The following TRUB2 variants were observed in gnomAD, a reference collection of about 807,000 sequenced individuals.
The protein encoded by TRUB2 is pseudouridylate synthase TRUB2, mitochondrial.
Under a neutral mutation model 31.9 loss-of-function variants are expected in TRUB2, and 31 were observed. The ratio of observed to expected loss-of-function variants is 0.97; its 90% CI spans 0.73 to 1.31. The LOEUF (loss-of-function observed/expected upper bound fraction) is 1.31. TRUB2 is among the 50% of genes most tolerant of loss of function. TRUB2 has a pLI of 0.00. For missense variants in TRUB2, 451 were observed against 439.6 expected, an observed-to-expected ratio of 1.03 and a Z score of -0.23; for synonymous variants, 201 against 182.6, an observed-to-expected ratio of 1.10 and a Z score of -0.81.
At chr9:128,321,934 G>C (rs1421881750) in intron 1 of TRUB2, among the ~76,000 whole-genome samples, 1 of 152,156 alleles carries the variant, frequency 6.6e-6, no homozygotes, top group East Asian at 1.9e-4. Flanking sequence ...CGTGCACCAC[G>C]ATGCTGACCA....
intron 2 of TRUB2, among the ~76,000 whole-genome samples, chr9:128,319,602 A>G (rs1429774380): frequency 1.3e-5 from 2 of 151,524 alleles, no homozygotes; most frequent in Non-Finnish European, 2.9e-5. Flanking sequence ...AAAATGGCAT[A>G]GTATTTGCAT....
intron 2 of TRUB2, among the ~76,000 whole-genome samples, chr9:128,320,060 C>T (rs879220500): frequency 3.8e-4 from 58 of 151,772 alleles, no homozygotes; most frequent in African/African-American, 1.1e-3. Flanking sequence ...GGACTACAGG[C>T]GCCCACCACC....
At chr9:128,321,756 A>C in intron 1 of TRUB2, 26 bp from the exon 2 acceptor site, 1 of 1,601,424 alleles carries the variant, frequency 6.2e-7, no homozygotes, top group Non-Finnish European at 8.5e-7. Context: ...TAATATATAC[A>C]CACATACATA....
chr9:128,317,022 G>T, intron 3 of TRUB2, 130 bp downstream of exon 3: 1 of 778,076 alleles, frequency 1.3e-6, no homozygotes, highest in Admixed American at 2.5e-5. Flanking sequence ...TCAGCCTTGG[G>T]GCAGGAATCA....
intron 7 of TRUB2, among the ~76,000 whole-genome samples, chr9:128,310,631 C>T (rs1831951210): frequency 6.6e-6 from 1 of 152,186 alleles, no homozygotes; most frequent in East Asian, 1.9e-4. Flanking sequence ...ATAACCTTTG[C>T]TTGGTAAGGT....
In TRUB2 at chr9:128,322,411, T is replaced by C; in HGVS notation, c.-3A>G. The C allele has an allele frequency of 1.2e-6, 2 of 1,614,088 alleles. No individual in the cohort carries two copies. The highest frequency in any genetic ancestry group is 1.7e-6 in the Non-Finnish European group (2 of 1,180,014). ...CGCGACAAGCCAGCAGACCCCATAC[T>C]TGAAGATCACAGCACCCGCTGGACC... On this transcript the variant is annotated 5_prime_UTR_variant, in exon 1 of 8. Coordinates refer to ENST00000372890, the MANE Select transcript of TRUB2 (RefSeq NM_015679.3).
At position 128,309,042 on chromosome 9, in the gene TRUB2, C is replaced by G. The variant is rs1481552969; in HGVS notation, c.*508G>C. 6.5e-6 allele frequency: 1 copy of G among 153,496 alleles called. No individual in the cohort carries two copies. Among genetic ancestry groups the G allele is most frequent in the East Asian group, 1.9e-4 (1 of 5,208 alleles). The allele number at this position is 153,496 out of a possible 1,614,324, so 9.5% of individuals were successfully genotyped here. On this transcript the variant is annotated 3_prime_UTR_variant, in exon 8 of 8. Transcript: ENST00000372890. ...TAATTTTGTCGTTGTCTTCTTATTG[C>G]TTTCTAAGGGCTCTCTGTATACTAT...
At chr9:128,312,384 T>C (rs1349070485) in intron 5 of TRUB2, among the ~76,000 whole-genome samples, 1 of 150,766 alleles carries the variant, frequency 6.6e-6, no homozygotes, top group African/African-American at 2.4e-5. Context: ...GCAATCCACC[T>C]GCCTTGGCCT....
At chr9:128,318,926 A>T (rs1832113690) in intron 2 of TRUB2, among the ~76,000 whole-genome samples, 1 of 152,080 alleles carries the variant, frequency 6.6e-6, no homozygotes, top group Non-Finnish European at 1.5e-5. Context: ...TCACGCTTAT[A>T]ATCCCAGCAC....
At chr9:128,310,492 C>T (rs527478178) in intron 7 of TRUB2, among the ~76,000 whole-genome samples, 70 of 151,658 alleles carry the variant, frequency 4.6e-4, no homozygotes, top group African/African-American at 1.6e-3. Flanking sequence ...AAGGGGCGGG[C>T]GCAGGCAGAG....
At chr9:128,317,018 T>C in intron 3 of TRUB2, 134 bp downstream of exon 3, 1 of 755,748 alleles carries the variant, frequency 1.3e-6, no homozygotes, top group Non-Finnish European at 2.1e-6. Context: ...CTGATCAGCC[T>C]TGGGGCAGGA....
chr9:128,322,370 G>A lies in TRUB2; in HGVS notation c.39C>T (p.Phe13=), dbSNP rs766547290. 3 of 1,614,136 alleles carry A rather than the reference G, an allele frequency of 1.9e-6. No homozygotes were observed. The highest frequency in any genetic ancestry group is 3.3e-5 in the Admixed American group (2 of 60,018). ...SAGLSRLHGL[F]AVYKPPGLKW... The stretch of plus-strand genomic sequence containing the variant: ...TTAGCCCCGGGGGCTTATAGACCGC[G>A]AAAAGCCCATGCAGCCGCGACAAGC... Residue 13 remains phenylalanine, a synonymous_variant, in exon 1 of 8, where the codon TTC becomes TTT. Transcript: ENST00000372890.
intron 2 of TRUB2, among the ~76,000 whole-genome samples, chr9:128,318,500 CTGTT>C (rs1407413357): frequency 1.3e-5 from 2 of 151,710 alleles, no homozygotes; most frequent in Non-Finnish European, 2.9e-5. Flanking sequence ...AGACTGAAGA[CTGTT>C]TTTTTTTTGT....
intron 2 of TRUB2, among the ~76,000 whole-genome samples, chr9:128,321,361 T>A (rs1051258400): frequency 6.6e-6 from 1 of 152,244 alleles, no homozygotes; most frequent in Admixed American, 6.5e-5. Flanking sequence ...ATACTGTCTA[T>A]AGCTGTTTGG....
At chr9:128,316,630 C>T (rs890395896) in intron 3 of TRUB2, 12 of 153,672 alleles carry the variant, frequency 7.8e-5, no homozygotes, top group Admixed American at 1.3e-4. Flanking sequence ...CTGTGACTGT[C>T]GCGGCTGGAG....
intron 2 of TRUB2, among the ~76,000 whole-genome samples, chr9:128,319,734 G>C (rs1348031076): frequency 6.6e-6 from 1 of 150,680 alleles, no homozygotes; most frequent in Non-Finnish European, 1.5e-5. Flanking sequence ...TGCCTCCCAG[G>C]TTCGTGCGAC....
intron 4 of TRUB2, among the ~76,000 whole-genome samples, chr9:128,315,033 C>A (rs1040253106): frequency 1.3e-5 from 2 of 152,166 alleles, no homozygotes; most frequent in African/African-American, 4.8e-5. Flanking sequence ...AAAACATGGG[C>A]CCCATAACGT....
At chr9:128,322,233 A>T in intron 1 of TRUB2, 67 bp downstream of exon 1, 1 of 1,387,690 alleles carries the variant, frequency 7.2e-7, no homozygotes, top group Non-Finnish European at 1.0e-6. Flanking sequence ...TGGGGTAAGG[A>T]CCAGAAGCGG....
chr9:128,321,067 G>A (rs1403143657), intron 2 of TRUB2, among the ~76,000 whole-genome samples: 3 of 152,340 alleles, frequency 2.0e-5, no homozygotes, highest in East Asian at 3.9e-4. Flanking sequence ...GATTACAGGC[G>A]TGAGCCACCA....
Sources: gnomAD v4.1 joint callset for allele counts (sites outside exome capture counted in the v4.1 genomes callset) on GRCh38, gnomAD v4.1.1 for gene constraint, MANE v1.5 for transcripts, NCBI Gene and HGNC (gene_info 2026-07-23, HGNC 2026-07-21) for gene names.